ATXN1: variants seen among roughly 807,000 people sequenced by gnomAD.
ATXN1 encodes ataxin 1.
ATXN1 carries 8 observed loss-of-function variants against 56.4 expected under a neutral mutation model. That is an observed-to-expected ratio of 0.14 (90% CI 0.08 to 0.26). The LOEUF (loss-of-function observed/expected upper bound fraction) is 0.26. Among genes scored for constraint, ATXN1 ranks in the 10% least tolerant of loss-of-function variants. The pLI is 1.00. For synonymous variants in ATXN1, 514 were observed against 494.6 expected (o/e 1.04, Z -0.52); for missense variants, 987 against 1,106.5 (o/e 0.89, Z 1.53).
chr6:16,477,949 A>T (rs1760359269), intron 6 of ATXN1, among the ~76,000 whole-genome samples: 1 of 152,138 alleles, frequency 6.6e-6, no homozygotes, highest in African/African-American at 2.4e-5. Context: ...GAGCAAGGTG[A>T]CTGCCAACTC....
intron 6 of ATXN1, among the ~76,000 whole-genome samples, chr6:16,345,083 G>A (rs1187508246): frequency 6.6e-6 from 1 of 152,168 alleles, no homozygotes; most frequent in Non-Finnish European, 1.5e-5. Flanking sequence ...TTCCTTACAA[G>A]CTGGTTATTA....
chr6:16,562,091 T>C (rs183592076), intron 4 of ATXN1, among the ~76,000 whole-genome samples: 2 of 151,916 alleles, frequency 1.3e-5, no homozygotes, highest in African/African-American at 4.8e-5. Flanking sequence ...CAGAAACAAA[T>C]AGGCTGATGC....
At chr6:16,702,127 C>G (rs1370355347) in intron 2 of ATXN1, among the ~76,000 whole-genome samples, 1 of 151,962 alleles carries the variant, frequency 6.6e-6, no homozygotes, top group Non-Finnish European at 1.5e-5. Flanking sequence ...GTACTGGTAC[C>G]AAAACAGAGA....
chr6:16,352,765 CTA>C (rs887672444), intron 6 of ATXN1, among the ~76,000 whole-genome samples: 4 of 152,112 alleles, frequency 2.6e-5, no homozygotes, highest in African/African-American at 4.8e-5. Context: ...CCTATGTACG[CTA>C]TGTTTTTTTC....
chr6:16,512,151 T>G (rs531162934), intron 5 of ATXN1, among the ~76,000 whole-genome samples: 1 of 152,332 alleles, frequency 6.6e-6, no homozygotes, highest in Non-Finnish European at 1.5e-5. Flanking sequence ...ATCATTACCC[T>G]CAAAGCCAGC....
intron 2 of ATXN1, among the ~76,000 whole-genome samples, chr6:16,728,766 T>C (rs1581399062): frequency 6.6e-6 from 1 of 152,110 alleles, no homozygotes; most frequent in Admixed American, 6.6e-5. Flanking sequence ...TCAAGGCTGG[T>C]ATTCGAACTA....
At chr6:16,333,407 G>A (rs1490622857) in intron 6 of ATXN1, among the ~76,000 whole-genome samples, 1 of 152,220 alleles carries the variant, frequency 6.6e-6, no homozygotes. Context: ...AAAATGAGAT[G>A]CTTCTGTGCT....
intron 4 of ATXN1, among the ~76,000 whole-genome samples, chr6:16,574,935 T>G (rs1039795817): frequency 2.0e-5 from 3 of 152,070 alleles, no homozygotes; most frequent in African/African-American, 7.2e-5. Flanking sequence ...CTTAAAGACC[T>G]TGACAATTTT....
chr6:16,487,653 C>G (rs1228227167), intron 5 of ATXN1, among the ~76,000 whole-genome samples: 2 of 152,136 alleles, frequency 1.3e-5, no homozygotes, highest in Non-Finnish European at 2.9e-5. Flanking sequence ...AACAAAATAG[C>G]CCAGGACCCT....
chr6:16,448,000 C>T (rs1046509694), intron 6 of ATXN1, among the ~76,000 whole-genome samples: 1 of 152,120 alleles, frequency 6.6e-6, no homozygotes, highest in African/African-American at 2.4e-5. Context: ...TCAAAAGTAT[C>T]CTTGAAATTG....
intron 6 of ATXN1, among the ~76,000 whole-genome samples, chr6:16,357,108 T>G (rs554525541): frequency 5.3e-5 from 8 of 152,338 alleles, no homozygotes; most frequent in African/African-American, 1.9e-4. Context: ...TCGATTTATA[T>G]TCATTTATAG....
At chr6:16,452,762 A>C (rs1759778885) in intron 6 of ATXN1, among the ~76,000 whole-genome samples, 1 of 152,196 alleles carries the variant, frequency 6.6e-6, no homozygotes, top group African/African-American at 2.4e-5. Flanking sequence ...CCACCACAAC[A>C]AGTTTTATAA....
intron 6 of ATXN1, among the ~76,000 whole-genome samples, chr6:16,457,475 C>T (rs1477833804): frequency 6.6e-6 from 1 of 151,994 alleles, no homozygotes; most frequent in Non-Finnish European, 1.5e-5. Flanking sequence ...CATCCTAAGC[C>T]ATTGGGACCA....
chr6:16,674,054 T>C (rs1038534331), intron 2 of ATXN1, among the ~76,000 whole-genome samples: 1 of 152,072 alleles, frequency 6.6e-6, no homozygotes, highest in Non-Finnish European at 1.5e-5. Flanking sequence ...ACGTGTTTTA[T>C]ATATATATAT....
intron 6 of ATXN1, among the ~76,000 whole-genome samples, chr6:16,341,731 G>C (rs1258914521): frequency 6.6e-6 from 1 of 151,762 alleles, no homozygotes; most frequent in Admixed American, 6.6e-5. Context: ...GTGTTAGCCA[G>C]GATGGTCTTG....
In ATXN1 at chr6:16,306,470, C is replaced by T. The variant is rs780604177; in HGVS notation, c.2307G>A (p.Thr769=). The T allele has an allele frequency of 5.6e-6, 9 of 1,614,198 alleles. No homozygotes were observed. The highest frequency in any genetic ancestry group is 1.1e-5 in the South Asian group (1 of 91,082). The change falls in exon 8 of 8, where the codon ACG becomes ACA. Residue 769 remains threonine (T), a synonymous_variant. Coordinates refer to ENST00000436367, the MANE Select transcript of ATXN1 (RefSeq NM_001128164.2). The surrounding 1 kb of genome is among the most constrained non-coding windows in gnomAD (Gnocchi z 5.2). ...CTGGCGCCGACCACCTCCTCTTCCT[C>T]GTTGCCGCGGGCTTGCTGGGTTCTA... ...TKIEPSKPAA[T]RKRRWSAPES...
intron 6 of ATXN1, among the ~76,000 whole-genome samples, chr6:16,481,387 C>A (rs981459): frequency 6.6e-6 from 1 of 151,746 alleles, no homozygotes; most frequent in African/African-American, 2.4e-5. Context: ...TTAGAGTGTG[C>A]GTGTGTGTGC....
At chr6:16,317,617 G>A (rs112146576) in intron 7 of ATXN1, among the ~76,000 whole-genome samples, 63 of 152,168 alleles carry the variant, frequency 4.1e-4, no homozygotes, top group African/African-American at 1.4e-3. Flanking sequence ...GAGCCACCGC[G>A]CCCAGGGATG....
At chr6:16,746,840 G>C (rs2113522704) in intron 2 of ATXN1, among the ~76,000 whole-genome samples, 1 of 152,008 alleles carries the variant, frequency 6.6e-6, no homozygotes, top group South Asian at 2.1e-4. Flanking sequence ...GGGGGAGCCG[G>C]GAGCAAGAAT....
Sources: gnomAD v4.1 joint callset for allele counts (sites outside exome capture counted in the v4.1 genomes callset) on GRCh38, gnomAD v4.1.1 for gene constraint, Gnocchi (gnomAD v3.1) non-coding constraint, MANE v1.5 for transcripts, NCBI Gene and HGNC (gene_info 2026-07-23, HGNC 2026-07-21) for gene names.